Variants in CPS1 observed in about 807,000 individuals in gnomAD.
The protein encoded by CPS1 is carbamoyl-phosphate synthase [ammonia], mitochondrial.
In CPS1, 109 loss-of-function variants were observed where a neutral mutation model predicts 174.6. That is an observed-to-expected ratio of 0.62 (90% CI 0.53 to 0.73). CPS1 has a LOEUF of 0.73. CPS1 is among the 30% of genes least tolerant of loss of function. CPS1 has a pLI of 0.00. For synonymous variants in CPS1, 637 were observed against 632.0 expected (o/e 1.01, Z -0.12); for missense variants, 1,689 against 1,821.9 (o/e 0.93, Z 1.33).
chr2:210,652,073 C>G (rs1405340710), intron 28 of CPS1, among the ~76,000 whole-genome samples: 1 of 152,100 alleles, frequency 6.6e-6, no homozygotes, highest in Non-Finnish European at 1.5e-5. Context: ...AAATTGATAC[C>G]TGATGGTTGA....
intron 17 of CPS1, 116 bp from the exon 18 acceptor site, chr2:210,606,615 A>T (rs1574583596): frequency 1.5e-5 from 14 of 935,754 alleles, no homozygotes; most frequent in Non-Finnish European, 2.4e-5. Context: ...TCACATATAT[A>T]TCCCAACAAA....
At chr2:210,677,412 G>A (rs1195486049) in intron 37 of CPS1, among the ~76,000 whole-genome samples, 1 of 152,140 alleles carries the variant, frequency 6.6e-6, no homozygotes, top group Non-Finnish European at 1.5e-5. Context: ...AGCATGACAT[G>A]GAATAAAGAT....
At chr2:210,503,228 C>T (rs1202376610) in intron 1 of CPS1, among the ~76,000 whole-genome samples, 5 of 152,114 alleles carry the variant, frequency 3.3e-5, no homozygotes, top group African/African-American at 9.7e-5. Flanking sequence ...GGAGGAGATT[C>T]TGGTTATTTG....
At chr2:210,559,753 T>TGC (rs2106043474) in intron 1 of CPS1, among the ~76,000 whole-genome samples, 1 of 152,272 alleles carries the variant, frequency 6.6e-6, no homozygotes, top group Non-Finnish European at 1.5e-5. Flanking sequence ...AATGCCCTGT[T>TGC]CTTGGACAAG....
intron 1 of CPS1, among the ~76,000 whole-genome samples, chr2:210,495,341 A>T (rs1694965387): frequency 6.6e-6 from 1 of 152,112 alleles, no homozygotes; most frequent in Non-Finnish European, 1.5e-5. Flanking sequence ...ATGCTTCGAG[A>T]ACTGGCATCT....
intron 1 of CPS1, among the ~76,000 whole-genome samples, chr2:210,509,405 C>G (rs1019173875): frequency 1.3e-5 from 2 of 152,144 alleles, no homozygotes; most frequent in Non-Finnish European, 2.9e-5. Context: ...CTATCTATGA[C>G]AAACCCACAG....
upstream of CPS1, chr2:210,556,272 C>G: frequency 4.5e-6 from 2 of 444,958 alleles, no homozygotes; most frequent in Non-Finnish European, 4.5e-6. Context: ...CTTTGGGAAT[C>G]CAAAATCTCT....
At position 210,604,707 on chromosome 2, in the gene CPS1, A is replaced by G. The variant is rs12616596; in HGVS notation, c.1837-395A>G. On this transcript the variant is annotated intron_variant, in intron 16 of 37. Coordinates refer to ENST00000233072, the MANE Select transcript of CPS1 (RefSeq NM_001875.5). ...TACAAAGCACCCTCAGCTATTTTAGAGAGAGCCAGAGTCTTTAGACTTATT... is the reference window on the plus strand; with the variant it reads ...TACAAAGCACCCTCAGCTATTTTAGGGAGAGCCAGAGTCTTTAGACTTATT... 4.6e-3 allele frequency among the ~76,000 whole-genome samples: 703 copies of G among 152,014 alleles called. 29 individuals carry two copies. In the East Asian group the frequency reaches 0.11, roughly 23 times the overall value.
intron 1 of CPS1, among the ~76,000 whole-genome samples, chr2:210,536,469 C>T (rs968638532): frequency 5.2e-4 from 79 of 151,796 alleles, no homozygotes; most frequent in Admixed American, 3.6e-3. Flanking sequence ...TACAGGCGCC[C>T]GCCACCATGT....
chr2:210,653,964 A>G, intron 28 of CPS1, 61 bp from the exon 29 acceptor site: 1 of 1,302,338 alleles, frequency 7.7e-7, no homozygotes, highest in Non-Finnish European at 1.1e-6. Context: ...TACATGGCTT[A>G]TTGACACTAT....
At chr2:210,520,473 C>T (rs1695791486) in intron 1 of CPS1, among the ~76,000 whole-genome samples, 1 of 152,008 alleles carries the variant, frequency 6.6e-6, no homozygotes, top group Non-Finnish European at 1.5e-5. Context: ...TGTCCTCCAC[C>T]TCACGATGGG....
At chr2:210,550,191 T>C (rs573342317) in intron 1 of CPS1, among the ~76,000 whole-genome samples, 14 of 152,132 alleles carry the variant, frequency 9.2e-5, no homozygotes, top group African/African-American at 3.4e-4. Context: ...TTCTTCTGTC[T>C]CATTGTTCAG....
At chr2:210,520,880 T>C (rs575452651) in intron 1 of CPS1, among the ~76,000 whole-genome samples, 1 of 152,184 alleles carries the variant, frequency 6.6e-6, no homozygotes, top group East Asian at 1.9e-4. Context: ...GGTTTGTTTT[T>C]AGCTACTACA....
At chr2:210,674,561 C>T (rs976034827) in intron 34 of CPS1, 7 of 291,252 alleles carry the variant, frequency 2.4e-5, no homozygotes, top group African/African-American at 4.3e-5. Context: ...TCCTAACCCG[C>T]ATATCTTTTA....
intron 36 of CPS1, 141 bp from the exon 37 acceptor site, chr2:210,676,866 C>T: frequency 1.4e-6 from 1 of 728,004 alleles, no homozygotes; most frequent in Non-Finnish European, 2.4e-6. Context: ...TAAACATCTA[C>T]TTAGCAATAG....
chr2:210,540,832 C>T (rs1365744377), intron 1 of CPS1, among the ~76,000 whole-genome samples: 1 of 152,062 alleles, frequency 6.6e-6, no homozygotes, highest in Non-Finnish European at 1.5e-5. Context: ...TTATTTTAAA[C>T]TTTATAATAT....
At position 210,591,988 on chromosome 2, in the gene CPS1, C is replaced by A. The variant is rs1327027205; in HGVS notation, c.1086+19C>A. On this transcript the variant is annotated intron_variant, in intron 10 of 37. Coordinates refer to ENST00000233072, the MANE Select transcript of CPS1 (RefSeq NM_001875.5). ...AAATGAGGTAAATGATGTCAATAAA[C>A]CTGTTCAGTTGGTGATGAGAAACGC... The A allele has an allele frequency of 1.9e-6, 3 of 1,607,996 alleles. No homozygotes were observed.
intron 1 of CPS1, among the ~76,000 whole-genome samples, chr2:210,558,032 G>C (rs1696974150): frequency 6.6e-6 from 1 of 151,354 alleles, no homozygotes; most frequent in Admixed American, 6.6e-5. Flanking sequence ...GGATGGGAGG[G>C]AGAGAGAGAG....
At chr2:210,556,918 G>T in intron 1 of CPS1, 59 bp downstream of exon 1, 1 of 1,577,410 alleles carries the variant, frequency 6.3e-7, no homozygotes, top group Admixed American at 1.7e-5. Context: ...TAGCAGTGAA[G>T]CAAAGGTGTC....
Sources: allele counts gnomAD v4.1 joint callset (sites outside exome capture counted in the v4.1 genomes callset), GRCh38; gene constraint gnomAD v4.1.1; transcripts MANE v1.5; gene names NCBI Gene and HGNC (gene_info 2026-07-23, HGNC 2026-07-21).